The following ADAM32 variants were observed in gnomAD, a reference collection of about 807,000 sequenced individuals.
ADAM32 encodes the protein ADAM metallopeptidase domain 32, also known as disintegrin and metalloproteinase domain-containing protein 32.
Under a neutral mutation model 114.9 loss-of-function variants are expected in ADAM32, and 89 were observed. The observed-to-expected ratio is 0.77, with a 90% CI of 0.65 to 0.92. The LOEUF (loss-of-function observed/expected upper bound fraction) is 0.92. Ranked by LOEUF, ADAM32 falls within the 40% of genes least tolerant of loss-of-function variation. The pLI is 0.00. For missense variants in ADAM32, 870 were observed against 932.8 expected, an observed-to-expected ratio of 0.93 and a Z score of 0.88; for synonymous variants, 285 against 307.5, an observed-to-expected ratio of 0.93 and a Z score of 0.77.
At chr8:39,115,881 A>G (rs1840354946) in intron 1 of ADAM32, among the ~76,000 whole-genome samples, 1 of 152,188 alleles carries the variant, frequency 6.6e-6, no homozygotes, top group African/African-American at 2.4e-5. Flanking sequence ...TTTAAGTTGT[A>G]CATTTAGGTC....
At position 39,251,064 on chromosome 8, in the gene ADAM32, A is replaced by G. The variant is rs551777294; in HGVS notation, c.1903-3350A>G. Among the ~76,000 whole-genome samples the G allele has an allele frequency of 2.9e-4, 44 of 151,818 alleles. 1 individual carries two copies. The highest frequency in any genetic ancestry group is 1.0e-3 in the African/African-American group (42 of 41,466). ...TATGTATCTCACATTTTCTTTATTT[A>G]TTCATCTATTCATGGACGCTTACAT... On this transcript the variant is annotated intron_variant, in intron 17 of 24. Transcript: ENST00000379907.
At chr8:39,250,750 A>T (rs1408505275) in intron 17 of ADAM32, among the ~76,000 whole-genome samples, 1 of 151,884 alleles carries the variant, frequency 6.6e-6, no homozygotes, top group Non-Finnish European at 1.5e-5. Context: ...CATCCTACTG[A>T]TCTGTCAAAC....
At position 39,122,603 on chromosome 8, in the gene ADAM32, G is replaced by A. The variant is rs369917152; in HGVS notation, c.138+4438G>A. Among the ~76,000 whole-genome samples, 4 of 152,352 alleles carry A rather than the reference G, an allele frequency of 2.6e-5. No homozygotes were observed. The South Asian group carries it at 6.2e-4, about 24-fold the overall frequency. On this transcript the variant is annotated intron_variant, in intron 2 of 24. Coordinates refer to ENST00000379907, the MANE Select transcript of ADAM32 (RefSeq NM_145004.7). The stretch of plus-strand genomic sequence containing the variant: ...GTTTTTGTTTTTGTTTTGAGACAGA[G>A]TCTTCCTCTGTTGTCTAGGCTGGAG...
intron 3 of ADAM32, among the ~76,000 whole-genome samples, chr8:39,145,449 A>G (rs1287037875): frequency 6.6e-6 from 1 of 152,202 alleles, no homozygotes; most frequent in Non-Finnish European, 1.5e-5. Context: ...ATTAAACCAC[A>G]GAAATGAACA....
chr8:39,151,798 G>C (rs548631966), intron 6 of ADAM32, among the ~76,000 whole-genome samples: 6 of 150,570 alleles, frequency 4.0e-5, no homozygotes, highest in African/African-American at 1.5e-4. Flanking sequence ...TGAGTAGCTG[G>C]GACCACAGAC....
intron 19 of ADAM32, among the ~76,000 whole-genome samples, chr8:39,259,104 A>C (rs945504648): frequency 5.9e-5 from 9 of 151,822 alleles, no homozygotes; most frequent in Admixed American, 2.0e-4. Flanking sequence ...CCATGATGAC[A>C]TATGTTTAGG....
intron 2 of ADAM32, among the ~76,000 whole-genome samples, chr8:39,126,072 G>A (rs769364486): frequency 5.3e-5 from 8 of 152,122 alleles, no homozygotes; most frequent in Non-Finnish European, 8.8e-5. Flanking sequence ...TAGCCTTGTA[G>A]TAGTTTGAGG....
chr8:39,276,625 G>A (rs975057042), intron 22 of ADAM32, among the ~76,000 whole-genome samples: 1 of 152,136 alleles, frequency 6.6e-6, no homozygotes, highest in Non-Finnish European at 1.5e-5. Flanking sequence ...GCACAACAAG[G>A]TTGTATGATT....
chr8:39,243,435 C>A (rs987277533), intron 16 of ADAM32, among the ~76,000 whole-genome samples: 5 of 152,156 alleles, frequency 3.3e-5, no homozygotes, highest in Non-Finnish European at 5.9e-5. Flanking sequence ...GATATTCCAC[C>A]ATGATCAAGT....
intron 2 of ADAM32, among the ~76,000 whole-genome samples, chr8:39,123,966 C>T (rs1388841001): frequency 6.6e-6 from 1 of 151,724 alleles, no homozygotes; most frequent in African/African-American, 2.4e-5. Context: ...GTCAGCCTCT[C>T]AAAGTGCTGG....
intron 5 of ADAM32, 101 bp downstream of exon 5, chr8:39,149,968 A>G (rs895912618): frequency 3.6e-6 from 3 of 833,490 alleles, no homozygotes; most frequent in East Asian, 2.7e-5. Flanking sequence ...GAGCTTTCCT[A>G]TGTGGAGATT....
At chr8:39,109,967 T>C (rs1840087616) in intron 1 of ADAM32, among the ~76,000 whole-genome samples, 1 of 152,064 alleles carries the variant, frequency 6.6e-6, no homozygotes, top group South Asian at 2.1e-4. Context: ...GAGTGTCATG[T>C]ATTTGAAATC....
chr8:39,221,249 T>C (rs1357900865), intron 12 of ADAM32: 1 of 164,062 alleles, frequency 6.1e-6, no homozygotes, highest in African/African-American at 2.4e-5. Context: ...TGTTTCCATG[T>C]GCATGTAATA....
chr8:39,183,440 C>T (rs1257340259), intron 10 of ADAM32, among the ~76,000 whole-genome samples: 3 of 152,134 alleles, frequency 2.0e-5, no homozygotes, highest in Non-Finnish European at 2.9e-5. Context: ...CATGCAGTGC[C>T]GCACCAGCCT....
At chr8:39,259,266 CT>C (rs1427151634) in intron 19 of ADAM32, among the ~76,000 whole-genome samples, 3 of 151,590 alleles carry the variant, frequency 2.0e-5, no homozygotes, top group African/African-American at 7.3e-5. Context: ...GAGGCATGAT[CT>C]TGGCTCACTG....
chr8:39,146,037 A>G (rs1328876321), intron 3 of ADAM32, among the ~76,000 whole-genome samples: 2 of 152,082 alleles, frequency 1.3e-5, no homozygotes, highest in African/African-American at 4.8e-5. Context: ...TGGCTGCTTC[A>G]GAGTATTTTT....
chr8:39,222,965 C>G (rs971128548), intron 13 of ADAM32, 75 bp from the exon 14 acceptor site: 3 of 1,285,954 alleles, frequency 2.3e-6, no homozygotes, highest in East Asian at 2.7e-5. Flanking sequence ...ATGATTAACA[C>G]AATTTTGAAG....
chr8:39,280,546 AT>A (rs980216074), intron 22 of ADAM32, among the ~76,000 whole-genome samples: 66 of 152,196 alleles, frequency 4.3e-4, no homozygotes, highest in African/African-American at 1.5e-3. Context: ...CTTCGAAGTA[AT>A]TTGAAAAACC....
chr8:39,248,323 A>C (rs1292089549), intron 17 of ADAM32, among the ~76,000 whole-genome samples: 1 of 152,176 alleles, frequency 6.6e-6, no homozygotes, highest in African/African-American at 2.4e-5. Context: ...ATCCATTCAC[A>C]TGTAATGTGT....
Sources: allele counts gnomAD v4.1 joint callset (sites outside exome capture counted in the v4.1 genomes callset), GRCh38; gene constraint gnomAD v4.1.1; transcripts MANE v1.5; gene names NCBI Gene and HGNC (gene_info 2026-07-23, HGNC 2026-07-21).